Variants in TRPM6 observed in about 807,000 individuals in gnomAD.
The protein encoded by TRPM6 is transient receptor potential cation channel subfamily M member 6.
Under a neutral mutation model 247.6 loss-of-function variants are expected in TRPM6, and 111 were observed. The ratio of observed to expected loss-of-function variants is 0.45; its 90% CI spans 0.38 to 0.52. The LOEUF (loss-of-function observed/expected upper bound fraction) is 0.52. TRPM6 is among the 20% of genes least tolerant of loss of function. The pLI, the probability that TRPM6 is intolerant of heterozygous loss-of-function variation, is 0.00. For synonymous variants in TRPM6, 892 were observed against 853.8 expected (o/e 1.04, Z -0.78); for missense variants, 2,126 against 2,421.5 (o/e 0.88, Z 2.56).
chr9:74,835,555 G>C (rs376431290), intron 5 of TRPM6, among the ~76,000 whole-genome samples: 17 of 152,198 alleles, frequency 1.1e-4, no homozygotes, highest in South Asian at 6.2e-4. Context: ...CTAGTAATTA[G>C]TACAGTAGCC....
intron 12 of TRPM6, among the ~76,000 whole-genome samples, chr9:74,812,052 C>T (rs773681705): frequency 6.6e-6 from 1 of 152,104 alleles, no homozygotes; most frequent in Non-Finnish European, 1.5e-5. Flanking sequence ...CATTTTGGTG[C>T]CTTCATGTCA....
Position 74,808,161 on chromosome 9 carries a change from G to GA in TRPM6, c.1510dup (p.Ser504PhefsTer9). ...GTCAATCAAGGTTATTCGGTAGCCT[G>GA]AAAGAAGGGTATGCTGCAACAAAAA... is the stretch of plus-strand genomic sequence containing the variant. On this transcript the variant is annotated frameshift_variant, in exon 14 of 39. Transcript: ENST00000360774. LOFTEE classifies it high-confidence loss of function. The GA allele has an allele frequency of 6.2e-7, 1 of 1,613,972 alleles. No homozygotes were observed. Among genetic ancestry groups the GA allele is most frequent in the Non-Finnish European group, 8.5e-7 (1 of 1,179,900 alleles).
At position 74,834,000 on chromosome 9, in the gene TRPM6, C is replaced by T. The variant is rs1425299289; in HGVS notation, c.667G>A (p.Asp223Asn). ...IENQRDLIGK[D>N]VVCLYQTLDN... ...TTATGAAAGGATTGTCTACTTACAT[C>T]TTTTCCAATAAGGTCTCTCTGGTTC... Residue 223 changes from aspartate to asparagine, a missense_variant and splice_region_variant, in exon 6 of 39, where the codon GAT becomes AAT. Coordinates refer to ENST00000360774, the MANE Select transcript of TRPM6 (RefSeq NM_017662.5). The T allele has an allele frequency of 1.2e-6, 2 of 1,613,900 alleles. No homozygotes were observed. The highest frequency in any genetic ancestry group is 1.7e-6 in the Non-Finnish European group (2 of 1,179,936).
chr9:74,860,617 C>G (rs1385289070), intron 1 of TRPM6, among the ~76,000 whole-genome samples: 2 of 152,120 alleles, frequency 1.3e-5, no homozygotes, highest in Non-Finnish European at 2.9e-5. Context: ...CCTTGGCCTC[C>G]CAAAGTGCTG....
At chr9:74,832,888 T>C (rs11144107) in intron 6 of TRPM6, among the ~76,000 whole-genome samples, 22,378 of 151,880 alleles carry the variant, frequency 0.15, 2,167 homozygotes, top group East Asian at 0.31. Flanking sequence ...CTGTCTCTAC[T>C]AAAAATACAA....
chr9:74,760,028 C>T (rs969792394), intron 27 of TRPM6, among the ~76,000 whole-genome samples: 6 of 152,208 alleles, frequency 3.9e-5, no homozygotes, highest in African/African-American at 9.6e-5. Context: ...ACTAATACAA[C>T]GGTGGTCCCA....
At position 74,724,556 on chromosome 9, in the gene TRPM6, T is replaced by C; in HGVS notation, c.*57A>G. The C allele has an allele frequency of 3.1e-6, 5 of 1,612,796 alleles. No homozygotes were observed. The highest frequency in any genetic ancestry group is 4.2e-6 in the Non-Finnish European group (5 of 1,179,304). On this transcript the variant is annotated 3_prime_UTR_variant, in exon 39 of 39. Coordinates refer to ENST00000360774, the MANE Select transcript of TRPM6 (RefSeq NM_017662.5). ...CAACATCACGTTGATCAATCTATGT[T>C]ATCACAGAGTTCCTGGCAGGCAGGG...
intron 1 of TRPM6, among the ~76,000 whole-genome samples, chr9:74,886,886 G>A (rs1831547908): frequency 6.6e-6 from 1 of 152,204 alleles, no homozygotes; most frequent in Admixed American, 6.5e-5. Flanking sequence ...TGGCTCCAGA[G>A]CATATGTTCT....
chr9:74,738,321 T>A, intron 36 of TRPM6, 86 bp downstream of exon 36: 1 of 1,397,888 alleles, frequency 7.2e-7, no homozygotes, highest in Non-Finnish European at 1.0e-6. Flanking sequence ...ATAGAGCAAC[T>A]CCATATATTA....
chr9:74,787,605 T>C (rs952922395), intron 20 of TRPM6, among the ~76,000 whole-genome samples: 8 of 152,154 alleles, frequency 5.3e-5, no homozygotes, highest in African/African-American at 1.7e-4. Context: ...TAAGACAAAA[T>C]AAATATAGGT....
intron 1 of TRPM6, among the ~76,000 whole-genome samples, chr9:74,859,484 G>A (rs1169000919): frequency 6.6e-6 from 1 of 152,164 alleles, no homozygotes; most frequent in African/African-American, 2.4e-5. Flanking sequence ...ATAAGAATAC[G>A]TGTCCTAGCT....
At chr9:74,854,474 G>A (rs879521303) in intron 3 of TRPM6, among the ~76,000 whole-genome samples, 4 of 152,030 alleles carry the variant, frequency 2.6e-5, no homozygotes, top group East Asian at 1.9e-4. Context: ...CCGCAATTAC[G>A]TTTGCACCAA....
intron 14 of TRPM6, among the ~76,000 whole-genome samples, chr9:74,806,738 C>T (rs1828539561): frequency 2.0e-5 from 3 of 152,128 alleles, no homozygotes; most frequent in Admixed American, 2.0e-4. Context: ...GCTTATTGTT[C>T]AAGATTACAC....
chr9:74,745,462 C>CGT (rs377055848), intron 31 of TRPM6, among the ~76,000 whole-genome samples: 2,732 of 145,788 alleles, frequency 0.019, 43 homozygotes, highest in South Asian at 0.055. Context: ...TGTGTGTGTG[C>CGT]GTGTGTGTGT....
At chr9:74,884,605 AGAGGGG>A (rs1831474544) in intron 1 of TRPM6, among the ~76,000 whole-genome samples, 1 of 152,196 alleles carries the variant, frequency 6.6e-6, no homozygotes, top group East Asian at 1.9e-4. Flanking sequence ...CCTCTGGGTC[AGAGGGG>A]GAGTAGTTGA....
In TRPM6 at chr9:74,820,445, G is replaced by C. The variant is rs758265865; in HGVS notation, c.1011-18C>G. The C allele has an allele frequency of 1.9e-6, 3 of 1,613,872 alleles. No individual in the cohort carries two copies. Among genetic ancestry groups the C allele is most frequent in the Non-Finnish European group, 2.5e-6 (3 of 1,179,960 alleles). On this transcript the variant is annotated intron_variant, in intron 8 of 38. Transcript: ENST00000360774. The stretch of plus-strand genomic sequence containing the variant: ...GCAGCATCCTGGAAGAGAAATAAAT[G>C]GTCTTGACACAACCCAGAGAGGGGA...
At chr9:74,757,970 C>A (rs1193015716) in intron 27 of TRPM6, among the ~76,000 whole-genome samples, 3 of 152,120 alleles carry the variant, frequency 2.0e-5, no homozygotes, top group Non-Finnish European at 4.4e-5. Context: ...AGTGATGTCA[C>A]TAACCACAGA....
At chr9:74,887,307 G>A in intron 1 of TRPM6, 5 of 1,370,830 alleles carry the variant, frequency 3.6e-6, no homozygotes, top group Middle Eastern at 2.0e-4. Flanking sequence ...GGGGCGCGGA[G>A]GGACGGCCGT....
In TRPM6 at chr9:74,804,367, A is replaced by G. The variant is rs1392199856; in HGVS notation, c.1639-481T>C. 2.1e-5 allele frequency: 10 copies of G among 470,956 alleles called. No individual in the cohort carries two copies. The East Asian group carries it at 3.2e-4, about 15-fold the overall frequency. 29.2% of individuals were successfully genotyped at this position (470,956 alleles called of 1,614,324 possible). A position where few individuals can be genotyped will look rare whatever the true frequency, so the allele number is the denominator to read the frequency against. On this transcript the variant is annotated intron_variant, in intron 14 of 38. Transcript: ENST00000360774. ...ACTGGAACTCCAGTGGCCAGGCCCA[A>G]TAACAACACAACTCATTGCCATTAG...
Sources: allele counts gnomAD v4.1 joint callset (sites outside exome capture counted in the v4.1 genomes callset), GRCh38; gene constraint gnomAD v4.1.1; transcripts MANE v1.5; gene names NCBI Gene and HGNC (gene_info 2026-07-23, HGNC 2026-07-21).